The following WDR49 variants were observed in gnomAD, a reference collection of about 807,000 sequenced individuals.
The protein encoded by WDR49 is WD repeat domain 49.
Under a neutral mutation model 119.5 loss-of-function variants are expected in WDR49, and 107 were observed. The ratio of observed to expected loss-of-function variants is 0.90; its 90% CI spans 0.77 to 1.05. WDR49 has a LOEUF of 1.05. Among genes scored for constraint, WDR49 ranks in the 50% least tolerant of loss-of-function variants. WDR49 has a pLI of 0.00. For synonymous variants in WDR49, 425 were observed against 418.8 expected (o/e 1.01, Z -0.18); for missense variants, 1,240 against 1,220.5 (o/e 1.02, Z -0.24).
intron 7 of WDR49, among the ~76,000 whole-genome samples, chr3:167,595,483 A>C (rs1321515443): frequency 2.0e-5 from 3 of 152,250 alleles, no homozygotes; most frequent in Non-Finnish European, 4.4e-5. Context: ...ACAAGGCTAC[A>C]GTAACCAAAA....
At chr3:167,489,902 T>C (rs1443447008) in intron 18 of WDR49, among the ~76,000 whole-genome samples, 1 of 152,144 alleles carries the variant, frequency 6.6e-6, no homozygotes, top group Middle Eastern at 3.2e-3. Context: ...TTCTTATTTA[T>C]CAAACTTATA....
At chr3:167,598,638 C>T (rs772730963) in intron 7 of WDR49, among the ~76,000 whole-genome samples, 1 of 152,190 alleles carries the variant, frequency 6.6e-6, no homozygotes, top group Non-Finnish European at 1.5e-5. Context: ...GGCTCCCCAG[C>T]CATGTGGAAA....
At position 167,591,366 on chromosome 3, in the gene WDR49, G is replaced by T. The variant is rs1279660817; in HGVS notation, c.1275+10761C>A. 2.0e-5 allele frequency among the ~76,000 whole-genome samples: 3 copies of T among 152,044 alleles called. No homozygotes were observed. In the East Asian group the frequency reaches 5.8e-4, roughly 29 times the overall value. The stretch of plus-strand genomic sequence containing the variant: ...AGAATGATTCATGTAGTCAGAAAAA[G>T]ATTTTGTATTCTTCAGCAGTTGGAT... On this transcript the variant is annotated intron_variant, in intron 7 of 18. Transcript: ENST00000682715.
chr3:167,564,199 A>T (rs148836032), intron 8 of WDR49, among the ~76,000 whole-genome samples: 1,916 of 152,316 alleles, frequency 0.013, 16 homozygotes, highest in South Asian at 0.03. Flanking sequence ...GTCAGTCATG[A>T]CAACAGCATA....
At chr3:167,574,373 T>G (rs988421335) in intron 8 of WDR49, among the ~76,000 whole-genome samples, 3 of 152,252 alleles carry the variant, frequency 2.0e-5, no homozygotes, top group African/African-American at 7.2e-5. Flanking sequence ...TGTACTTTTC[T>G]GCAATACATT....
intron 18 of WDR49, among the ~76,000 whole-genome samples, chr3:167,497,875 C>CTT (rs10634534): frequency 0.12 from 15,456 of 128,112 alleles, 1,145 homozygotes; most frequent in African/African-American, 0.18. Flanking sequence ...CATATTCATT[C>CTT]TTTTTTTTTT....
chr3:167,527,850 G>A lies in WDR49; in HGVS notation c.2574C>T (p.Val858=). 3 of 1,612,932 alleles carry A rather than the reference G, an allele frequency of 1.9e-6. No individual in the cohort carries two copies. The highest frequency in any genetic ancestry group is 2.5e-6 in the Non-Finnish European group (3 of 1,179,360). ...CAAAGATCCAAACAGGAGCATTGCA[G>A]ACACCAGTCACACAAATACTGCAGT... is the stretch of plus-strand genomic sequence containing the variant. The part of the protein sequence containing the change: ...SADCSICVTG[V]CNAPVWIFGQ... The change falls in exon 15 of 19, where the codon GTC becomes GTT. Residue 858 remains valine, a synonymous_variant. Coordinates refer to ENST00000682715, the MANE Select transcript of WDR49 (RefSeq NM_001366157.1).
intron 8 of WDR49, among the ~76,000 whole-genome samples, chr3:167,562,337 G>C (rs966039530): frequency 5.9e-5 from 9 of 152,038 alleles, no homozygotes; most frequent in African/African-American, 2.2e-4. Context: ...AATAGTTCTG[G>C]GGGTACAAAG....
intron 17 of WDR49, among the ~76,000 whole-genome samples, chr3:167,504,767 A>G (rs895917581): frequency 6.6e-6 from 1 of 152,116 alleles, no homozygotes; most frequent in Non-Finnish European, 1.5e-5. Context: ...TGTAATCCCC[A>G]GTGTTGGAGA....
chr3:167,564,759 G>C (rs746954293), intron 8 of WDR49, among the ~76,000 whole-genome samples: 2 of 152,008 alleles, frequency 1.3e-5, no homozygotes, highest in Admixed American at 6.5e-5. Flanking sequence ...TCTCCTTTTT[G>C]TTTCTCTCAT....
chr3:167,583,452 T>G (rs566056326), intron 7 of WDR49, among the ~76,000 whole-genome samples: 16 of 152,144 alleles, frequency 1.1e-4, no homozygotes, highest in African/African-American at 3.9e-4. Flanking sequence ...CTCAGCACTT[T>G]GGGAGGCCGA....
intron 2 of WDR49, among the ~76,000 whole-genome samples, chr3:167,650,517 C>T (rs984370735): frequency 6.6e-5 from 10 of 152,100 alleles, no homozygotes; most frequent in African/African-American, 1.2e-4. Context: ...AGAATCAAGA[C>T]GTCAATTAGA....
At chr3:167,540,812 A>G (rs1711770527) in intron 10 of WDR49, among the ~76,000 whole-genome samples, 1 of 152,072 alleles carries the variant, frequency 6.6e-6, no homozygotes, top group South Asian at 2.1e-4. Flanking sequence ...AATACAGGAT[A>G]TGGATGAAAA....
intron 18 of WDR49, among the ~76,000 whole-genome samples, chr3:167,492,640 C>A (rs774506484): frequency 1.4e-4 from 21 of 152,090 alleles, no homozygotes; most frequent in Non-Finnish European, 2.8e-4. Flanking sequence ...ATGATGATAA[C>A]TAAGATGAAG....
intron 9 of WDR49, among the ~76,000 whole-genome samples, chr3:167,559,456 T>C (rs1393714528): frequency 6.6e-6 from 1 of 152,148 alleles, no homozygotes; most frequent in East Asian, 1.9e-4. Flanking sequence ...GTTGACCATT[T>C]TGAAAAGGAA....
chr3:167,512,623 G>A (rs1752023111), intron 16 of WDR49, among the ~76,000 whole-genome samples: 1 of 152,210 alleles, frequency 6.6e-6, no homozygotes, highest in African/African-American at 2.4e-5. Context: ...TGGATGAATT[G>A]ACAGAAGTAG....
chr3:167,517,190 CA>C (rs1159059475), intron 16 of WDR49, among the ~76,000 whole-genome samples: 1 of 151,800 alleles, frequency 6.6e-6, no homozygotes, highest in African/African-American at 2.4e-5. Flanking sequence ...CATATGGAAC[CA>C]AAAAAGAGCC....
intron 18 of WDR49, among the ~76,000 whole-genome samples, chr3:167,499,838 A>G (rs1173069089): frequency 6.6e-6 from 1 of 152,198 alleles, no homozygotes; most frequent in Non-Finnish European, 1.5e-5. Flanking sequence ...CTCCAGCATC[A>G]GTTTTGAAAA....
At chr3:167,516,709 G>C (rs2108226192) in intron 16 of WDR49, among the ~76,000 whole-genome samples, 1 of 152,192 alleles carries the variant, frequency 6.6e-6, no homozygotes, top group Non-Finnish European at 1.5e-5. Flanking sequence ...AGCCAAAATT[G>C]ACAAATGGGA....
Sources: gnomAD v4.1 joint callset for allele counts (sites outside exome capture counted in the v4.1 genomes callset) on GRCh38, gnomAD v4.1.1 for gene constraint, MANE v1.5 for transcripts, NCBI Gene and HGNC (gene_info 2026-07-23, HGNC 2026-07-21) for gene names.